Variants in CTNND2 observed in about 807,000 individuals in gnomAD.
CTNND2 encodes the protein catenin delta 2.
A neutral mutation model predicts 144.4 loss-of-function variants in CTNND2; 22 were observed. The ratio of observed to expected loss-of-function variants is 0.15; its 90% CI spans 0.11 to 0.22. CTNND2 has a LOEUF of 0.22. Among genes scored for constraint, CTNND2 ranks in the 10% least tolerant of loss-of-function variants. The pLI is 1.00. For missense variants in CTNND2, 1,353 were observed against 1,618.8 expected (o/e 0.84, Z 2.82); for synonymous variants, 751 against 695.6 (o/e 1.08, Z -1.25).
In CTNND2 at chr5:11,887,762, T is replaced by C. The variant is rs1405486738; in HGVS notation, c.37+16055A>G. On this transcript the variant is annotated intron_variant, in intron 1 of 21. Coordinates refer to ENST00000304623, the MANE Select transcript of CTNND2 (RefSeq NM_001332.4). Reference sequence around the variant, plus strand: ...CACCACATTTAGTCCTCATGTCTCCTTGGACTCCTCTTGGTTCTTAGTTTC... The same window carrying C: ...CACCACATTTAGTCCTCATGTCTCCCTGGACTCCTCTTGGTTCTTAGTTTC... Among the ~76,000 whole-genome samples the C allele has an allele frequency of 1.3e-5, 2 of 152,210 alleles. 1 individual carries two copies. The highest frequency in any genetic ancestry group is 1.3e-4 in the Admixed American group (2 of 15,282).
At chr5:11,666,039 T>A (rs1187332631) in intron 2 of CTNND2, among the ~76,000 whole-genome samples, 1 of 152,186 alleles carries the variant, frequency 6.6e-6, no homozygotes, top group Non-Finnish European at 1.5e-5. Flanking sequence ...GATTATTAAA[T>A]TTTTTAAACA....
At chr5:11,179,028 T>C (rs1018862592) in intron 11 of CTNND2, among the ~76,000 whole-genome samples, 1 of 152,202 alleles carries the variant, frequency 6.6e-6, no homozygotes, top group Non-Finnish European at 1.5e-5. Flanking sequence ...AATGAGCAGA[T>C]AATTTTTCAT....
At chr5:11,863,498 G>A (rs930258199) in intron 1 of CTNND2, among the ~76,000 whole-genome samples, 6 of 152,054 alleles carry the variant, frequency 3.9e-5, no homozygotes, top group Admixed American at 2.0e-4. Flanking sequence ...AATAACTTCC[G>A]GCAGTAAATT....
At chr5:11,580,080 C>T (rs1778305213) in intron 2 of CTNND2, among the ~76,000 whole-genome samples, 1 of 152,198 alleles carries the variant, frequency 6.6e-6, no homozygotes, top group African/African-American at 2.4e-5. Flanking sequence ...TCCTATCCTA[C>T]TCTACTCAAC....
intron 3 of CTNND2, among the ~76,000 whole-genome samples, chr5:11,472,986 G>A (rs77253130): frequency 2.0e-5 from 3 of 152,090 alleles, no homozygotes; most frequent in African/African-American, 4.8e-5. Flanking sequence ...CAAGAGAATC[G>A]CTTGAACCTG....
At chr5:11,221,767 C>T (rs533946603) in intron 10 of CTNND2, among the ~76,000 whole-genome samples, 13 of 152,168 alleles carry the variant, frequency 8.5e-5, no homozygotes, top group South Asian at 2.1e-4. Context: ...CTTGGTTCAA[C>T]GATTTAGAGA....
At chr5:11,286,433 A>G (rs1421900270) in intron 9 of CTNND2, among the ~76,000 whole-genome samples, 1 of 152,344 alleles carries the variant, frequency 6.6e-6, no homozygotes, top group African/African-American at 2.4e-5. Flanking sequence ...TAGACTCTTA[A>G]GCATAAAAAG....
chr5:11,899,342 T>C (rs1041494156), intron 1 of CTNND2, among the ~76,000 whole-genome samples: 1 of 152,244 alleles, frequency 6.6e-6, no homozygotes, highest in Non-Finnish European at 1.5e-5. Flanking sequence ...AGGTGACTAA[T>C]ATAACACTAA....
At chr5:11,395,564 A>G (rs1167829972) in intron 6 of CTNND2, among the ~76,000 whole-genome samples, 1 of 152,220 alleles carries the variant, frequency 6.6e-6, no homozygotes, top group Non-Finnish European at 1.5e-5. Context: ...ATATCTTTAT[A>G]ACTTAGTAAC....
intron 2 of CTNND2, among the ~76,000 whole-genome samples, chr5:11,719,962 C>T (rs1786572464): frequency 6.6e-6 from 1 of 151,978 alleles, no homozygotes; most frequent in African/African-American, 2.4e-5. Context: ...TTTGAGCATG[C>T]TGTGCAAGGC....
intron 3 of CTNND2, among the ~76,000 whole-genome samples, chr5:11,564,578 C>T (rs895500424): frequency 4.0e-5 from 6 of 151,842 alleles, no homozygotes; most frequent in Non-Finnish European, 5.9e-5. Context: ...AGAATGTTCT[C>T]ACTTTTATTT....
chr5:11,186,434 A>T (rs1441781938), intron 11 of CTNND2, among the ~76,000 whole-genome samples: 1 of 152,214 alleles, frequency 6.6e-6, no homozygotes, highest in East Asian at 1.9e-4. Context: ...AAGCGATTCC[A>T]CTTATTTTCT....
intron 9 of CTNND2, among the ~76,000 whole-genome samples, chr5:11,264,859 A>G (rs1433275888): frequency 1.3e-5 from 2 of 152,148 alleles, no homozygotes; most frequent in African/African-American, 2.4e-5. Flanking sequence ...TGAGCCTGGG[A>G]GGCGGAGGTT....
At chr5:11,434,085 AAG>A (rs1438981456) in intron 3 of CTNND2, among the ~76,000 whole-genome samples, 3 of 152,220 alleles carry the variant, frequency 2.0e-5, no homozygotes, top group African/African-American at 7.2e-5. Flanking sequence ...ACTAATCAAT[AAG>A]AGAATGAATC....
chr5:11,191,043 CAGAAGGACATCCCATCCCAGCAGTAAAA>C (rs1736189940), intron 11 of CTNND2, among the ~76,000 whole-genome samples: 1 of 152,088 alleles, frequency 6.6e-6, no homozygotes, highest in Non-Finnish European at 1.5e-5. Flanking sequence ...AAATGAATCC[CAGAAGGACATCCCATCCCAGCAGTAAAA>C]AGAAGTGCTG....
intron 8 of CTNND2, among the ~76,000 whole-genome samples, chr5:11,349,253 G>A (rs1245593420): frequency 6.6e-6 from 1 of 152,176 alleles, no homozygotes. Flanking sequence ...TAGGAAAGGG[G>A]ATTGTACACT....
intron 2 of CTNND2, among the ~76,000 whole-genome samples, chr5:11,605,179 A>G (rs1410153593): frequency 6.6e-6 from 1 of 152,216 alleles, no homozygotes; most frequent in Non-Finnish European, 1.5e-5. Flanking sequence ...TCATTCTCCT[A>G]ACAGTGCCAA....
At chr5:11,319,095 G>A (rs1169713366) in intron 9 of CTNND2, among the ~76,000 whole-genome samples, 2 of 151,930 alleles carry the variant, frequency 1.3e-5, no homozygotes, top group Non-Finnish European at 2.9e-5. Flanking sequence ...TCACTTCTAT[G>A]GCTTTCCCTG....
intron 1 of CTNND2, among the ~76,000 whole-genome samples, chr5:11,768,759 C>T (rs1581851675): frequency 1.3e-5 from 2 of 152,188 alleles, no homozygotes; most frequent in African/African-American, 4.8e-5. Context: ...CTGCCACAGA[C>T]GAATCACTGA....
Sources: gnomAD v4.1 joint callset for allele counts (sites outside exome capture counted in the v4.1 genomes callset) on GRCh38, gnomAD v4.1.1 for gene constraint, MANE v1.5 for transcripts, NCBI Gene and HGNC (gene_info 2026-07-23, HGNC 2026-07-21) for gene names.